SLC8B1: variants seen among roughly 807,000 people sequenced by gnomAD.
SLC8B1 encodes solute carrier family 8 member B1, also known as mitochondrial sodium/calcium exchanger protein.
Under a neutral mutation model 63.4 loss-of-function variants are expected in SLC8B1, and 52 were observed. The observed-to-expected ratio is 0.82, with a 90% confidence interval of 0.66 to 1.03. SLC8B1 has a LOEUF of 1.03. Among genes scored for constraint, SLC8B1 ranks in the 50% least tolerant of loss-of-function variants. The pLI is 0.00. For synonymous variants in SLC8B1, 336 were observed against 323.9 expected (o/e 1.04, Z -0.40); for missense variants, 657 against 741.7 (o/e 0.89, Z 1.33).
At chr12:113,301,464 G>A (rs1193967603) in intron 15 of SLC8B1, among the ~76,000 whole-genome samples, 2 of 151,224 alleles carry the variant, frequency 1.3e-5, no homozygotes, top group Non-Finnish European at 2.9e-5. Flanking sequence ...AGCCTCCCGA[G>A]TAGCTGGGAT....
rs767268505 is a variant in SLC8B1, at chr12:113,315,484, G to A, written c.994-8C>T. ...CAGGAACTCCACAGGCAGCTGTCAAGGGGGCAAAAGTGGGAGGGTGTCGGC... is the reference window on the plus strand; with the variant it reads ...CAGGAACTCCACAGGCAGCTGTCAAAGGGGCAAAAGTGGGAGGGTGTCGGC... On this transcript the variant is annotated splice_polypyrimidine_tract_variant and splice_region_variant and intron_variant, in intron 10 of 15. Coordinates refer to ENST00000680972, the MANE Select transcript of SLC8B1 (RefSeq NM_001358345.2). 4 of 1,573,358 alleles carry A rather than the reference G, an allele frequency of 2.5e-6. No homozygotes were observed. The highest frequency in any genetic ancestry group is 3.4e-6 in the Non-Finnish European group (4 of 1,159,432).
intron 11 of SLC8B1, among the ~76,000 whole-genome samples, chr12:113,313,785 C>A (rs73192854): frequency 0.068 from 10,252 of 151,754 alleles, 379 homozygotes; most frequent in African/African-American, 0.076. Flanking sequence ...AGAGTAAGAG[C>A]AAAATTGAGA....
In SLC8B1 at chr12:113,316,626, T is replaced by C. The variant is rs1412768471; in HGVS notation, c.893A>G (p.Gln298Arg). The change falls in exon 10 of 16, where the codon CAG becomes CGG. Residue 298 changes from glutamine to arginine, a missense_variant. Transcript: ENST00000680972. ...GDEYRPLFFY[Q>R]ETTAQILVRA... ...GACCAGGATCTGAGCCGTGGTCTCC[T>C]GGTAGAAGAACAGCGGCCGGTACTC... 2 of 1,613,952 alleles carry C rather than the reference T, an allele frequency of 1.2e-6. No individual in the cohort carries two copies. Among genetic ancestry groups the C allele is most frequent in the African/African-American group, 2.7e-5 (2 of 74,924 alleles).
rs369159999 is a variant in SLC8B1 at position 113,320,501 on chromosome 12, G to C, written c.527-3C>G. On this transcript the variant is annotated splice_polypyrimidine_tract_variant and splice_region_variant and intron_variant, in intron 6 of 15. Coordinates refer to ENST00000680972, the MANE Select transcript of SLC8B1 (RefSeq NM_001358345.2). The surrounding 1 kb of genome is among the most constrained non-coding windows in gnomAD (Gnocchi z 5.3). Reference sequence around the variant, plus strand: ...TGTGGTAACCAGCACGCCAGCGCCTGGGGGGAGGAGGCCAGAGCTCAGCCA... The same window carrying C: ...TGTGGTAACCAGCACGCCAGCGCCTCGGGGGAGGAGGCCAGAGCTCAGCCA... 2.2e-5 allele frequency: 35 copies of C among 1,613,686 alleles called. No individual in the cohort carries two copies. The highest frequency in any genetic ancestry group is 2.9e-5 in the Non-Finnish European group (34 of 1,179,954).
At chr12:113,325,386 T>C (rs1956984083) in intron 2 of SLC8B1, among the ~76,000 whole-genome samples, 1 of 152,180 alleles carries the variant, frequency 6.6e-6, no homozygotes, top group African/African-American at 2.4e-5. Flanking sequence ...CCCAAGTAGC[T>C]GGGACTACAG....
chr12:113,301,644 G>A (rs1249446745), intron 15 of SLC8B1, among the ~76,000 whole-genome samples: 1 of 152,116 alleles, frequency 6.6e-6, no homozygotes, highest in Admixed American at 6.6e-5. Context: ...CAGCCCATAA[G>A]GTTTTTGAAG....
chr12:113,317,828 TTGTG>T (rs1772244329), intron 8 of SLC8B1, among the ~76,000 whole-genome samples: 1 of 149,390 alleles, frequency 6.7e-6, no homozygotes, highest in Admixed American at 6.6e-5. Context: ...TTTGTGTGTA[TTGTG>T]TATGTGAGTG....
At chr12:113,322,747 GA>G (rs1315313251) in intron 2 of SLC8B1, among the ~76,000 whole-genome samples, 1 of 152,002 alleles carries the variant, frequency 6.6e-6, no homozygotes, top group African/African-American at 2.4e-5. Flanking sequence ...AGGAGTTCGA[GA>G]CCAGCCTGGG....
rs898965261 is a variant in SLC8B1 at position 113,315,531 on chromosome 12, G to A, written c.994-55C>T. On this transcript the variant is annotated intron_variant, in intron 10 of 15. Coordinates refer to ENST00000680972, the MANE Select transcript of SLC8B1 (RefSeq NM_001358345.2). ...CGGCAGGGAAGTCTGAATCCCAGCCGGCCACAGATGGACTTCAGTGACTCA... is the reference window on the plus strand; with the variant it reads ...CGGCAGGGAAGTCTGAATCCCAGCCAGCCACAGATGGACTTCAGTGACTCA... 2.0e-5 allele frequency: 30 copies of A among 1,482,840 alleles called. No homozygotes were observed. In the Admixed American group the frequency reaches 2.3e-4, roughly 12 times the overall value. 91.9% of individuals were successfully genotyped at this position (1,482,840 alleles called of 1,614,324 possible). A position where few individuals can be genotyped will look rare whatever the true frequency, so the allele number is the denominator to read the frequency against.
At chr12:113,303,141 A>ACACACACAGG (rs773636454) in intron 15 of SLC8B1, among the ~76,000 whole-genome samples, 2 of 145,638 alleles carry the variant, frequency 1.4e-5, no homozygotes, top group African/African-American at 5.3e-5. Context: ...ACACACACAC[A>ACACACACAGG]CGCGCGCGCA....
chr12:113,321,450 T>C, intron 2 of SLC8B1, 102 bp from the exon 3 acceptor site: 1 of 1,498,614 alleles, frequency 6.7e-7, no homozygotes, highest in Non-Finnish European at 9.2e-7. Context: ...CAGCCTGGTC[T>C]CCAAGGCCAC....
intron 1 of SLC8B1, among the ~76,000 whole-genome samples, chr12:113,333,241 C>T (rs1957080737): frequency 6.6e-6 from 1 of 152,126 alleles, no homozygotes; most frequent in South Asian, 2.1e-4. Flanking sequence ...CTGCAAGGGA[C>T]TTGGGACTTG....
At chr12:113,310,446 A>T in intron 11 of SLC8B1, 91 bp from the exon 12 acceptor site, 1 of 1,522,134 alleles carries the variant, frequency 6.6e-7, no homozygotes, top group Non-Finnish European at 8.8e-7. Context: ...GACACTTCCT[A>T]TCTGCCCAGC....
rs976326006 is a variant in SLC8B1 at position 113,299,720 on chromosome 12, C to T, written c.*57G>A. The T allele has an allele frequency of 7.7e-6, 12 of 1,560,406 alleles. No individual in the cohort carries two copies. Among genetic ancestry groups the T allele is most frequent in the African/African-American group, 4.1e-5 (3 of 73,736 alleles). On this transcript the variant is annotated 3_prime_UTR_variant, in exon 16 of 16. Transcript: ENST00000680972. ...AATGCTCCGGTCCCTGGGCCTCCCC[C>T]GGCAGGAGGGGCGGGGCTCCTGCCT...
intron 11 of SLC8B1, among the ~76,000 whole-genome samples, chr12:113,311,806 C>T (rs976070203): frequency 4.0e-5 from 6 of 150,224 alleles, no homozygotes; most frequent in Admixed American, 1.3e-4. Flanking sequence ...TGGGCTCAAG[C>T]CATCCTCCCA....
At chr12:113,307,118 A>C (rs1956686204) in intron 13 of SLC8B1, among the ~76,000 whole-genome samples, 1 of 98,818 alleles carries the variant, frequency 1.0e-5, no homozygotes, top group African/African-American at 4.6e-5. Flanking sequence ...CTCAAAAAAA[A>C]AAAAAAAAAA....
At chr12:113,307,869 G>A (rs1214846568) in intron 12 of SLC8B1, 25 bp from the exon 13 acceptor site, 2 of 1,606,274 alleles carry the variant, frequency 1.2e-6, no homozygotes, top group African/African-American at 2.7e-5. Flanking sequence ...GTTTGCTGTG[G>A]GACCAAGGCC....
At chr12:113,327,151 G>T (rs1381728910) in intron 2 of SLC8B1, among the ~76,000 whole-genome samples, 6 of 152,052 alleles carry the variant, frequency 3.9e-5, no homozygotes, top group African/African-American at 1.4e-4. Context: ...GACAAAGAGG[G>T]TCCCACCCAG....
At chr12:113,327,583 G>C (rs1957010563) in intron 2 of SLC8B1, among the ~76,000 whole-genome samples, 1 of 151,758 alleles carries the variant, frequency 6.6e-6, no homozygotes, top group Non-Finnish European at 1.5e-5. Flanking sequence ...TACTCAGGAG[G>C]CTGAGGCAGA....
Sources: allele counts gnomAD v4.1 joint callset (sites outside exome capture counted in the v4.1 genomes callset), GRCh38; gene constraint gnomAD v4.1.1; non-coding constraint Gnocchi (gnomAD v3.1); transcripts MANE v1.5; gene names NCBI Gene and HGNC (gene_info 2026-07-23, HGNC 2026-07-21).